Variants in THSD4 observed in about 807,000 individuals in gnomAD.
THSD4 encodes thrombospondin type-1 domain-containing protein 4.
Under a neutral mutation model 119.0 loss-of-function variants are expected in THSD4, and 69 were observed. The observed-to-expected ratio is 0.58, with a 90% CI of 0.48 to 0.71. The LOEUF is 0.71. Ranked by LOEUF, THSD4 falls within the 30% of genes least tolerant of loss-of-function variation. The pLI, the probability that THSD4 is intolerant of heterozygous loss-of-function variation, is 0.00. For synonymous variants in THSD4, 524 were observed against 540.4 expected (o/e 0.97, Z 0.42); for missense variants, 1,393 against 1,391.1 (o/e 1.00, Z -0.02).
At chr15:71,497,720 T>C (rs939072797) in intron 7 of THSD4, among the ~76,000 whole-genome samples, 3 of 152,206 alleles carry the variant, frequency 2.0e-5, no homozygotes, top group Non-Finnish European at 2.9e-5. Flanking sequence ...CCGTGTTGTA[T>C]AGGTCCCCAG....
chr15:71,751,501 T>G (rs1362680552), intron 14 of THSD4, among the ~76,000 whole-genome samples: 1 of 152,162 alleles, frequency 6.6e-6, no homozygotes, highest in East Asian at 1.9e-4. Context: ...TAAATGTATC[T>G]TTATATCATA....
intron 7 of THSD4, among the ~76,000 whole-genome samples, chr15:71,614,181 A>C (rs865943682): frequency 4.6e-5 from 7 of 152,328 alleles, no homozygotes; most frequent in Middle Eastern, 3.4e-3. Flanking sequence ...AGTAGAAGTA[A>C]GTACAGAGAA....
intron 2 of THSD4, among the ~76,000 whole-genome samples, chr15:71,153,286 C>T (rs1466893487): frequency 6.6e-6 from 1 of 152,194 alleles, no homozygotes; most frequent in African/African-American, 2.4e-5. Context: ...ACCTAGCAAA[C>T]TCCATCCTCC....
At chr15:71,700,816 A>C (rs2052272025) in intron 8 of THSD4, among the ~76,000 whole-genome samples, 1 of 152,132 alleles carries the variant, frequency 6.6e-6, no homozygotes, top group Non-Finnish European at 1.5e-5. Context: ...AATAATCAGC[A>C]TTAGGATAAT....
At position 71,262,643 on chromosome 15, in the gene THSD4, G is replaced by C. The variant is rs547716684; in HGVS notation, c.1015+5928G>C. ...AGTGCACTGTGTGTCCCTGAGAGCT[G>C]AACTAAAGAGTGGCAACTGAAAAGC... On this transcript the variant is annotated intron_variant, in intron 6 of 17. Coordinates refer to ENST00000261862, the MANE Select transcript of THSD4 (RefSeq NM_024817.3). Among the ~76,000 whole-genome samples, 4 of 3,088 alleles carry C rather than the reference G, an allele frequency of 1.3e-3. No homozygotes were observed. In the South Asian group the frequency reaches 0.25, roughly 193 times the overall value. The allele number at this position is 3,088 out of a possible 152,430, so 2.0% of individuals were successfully genotyped here.
At chr15:71,446,455 C>A (rs939735805) in intron 7 of THSD4, among the ~76,000 whole-genome samples, 2 of 152,200 alleles carry the variant, frequency 1.3e-5, no homozygotes, top group Non-Finnish European at 2.9e-5. Context: ...TATCACACTA[C>A]TATCTTACCT....
At chr15:71,763,448 C>T (rs1240054420) in intron 15 of THSD4, among the ~76,000 whole-genome samples, 7 of 152,276 alleles carry the variant, frequency 4.6e-5, no homozygotes, top group East Asian at 1.9e-4. Flanking sequence ...CAGTGGCTCA[C>T]GCCTGTAATC....
At chr15:71,614,948 C>G (rs1329455949) in intron 7 of THSD4, among the ~76,000 whole-genome samples, 1 of 152,204 alleles carries the variant, frequency 6.6e-6, no homozygotes, top group East Asian at 1.9e-4. Context: ...AGCATGCTTC[C>G]CTCCACGAGT....
chr15:71,459,107 C>A (rs1023538407), intron 7 of THSD4, among the ~76,000 whole-genome samples: 1 of 151,686 alleles, frequency 6.6e-6, no homozygotes, highest in East Asian at 1.9e-4. Flanking sequence ...TTCCTAACTT[C>A]ACCCTTTGAA....
In THSD4 at chr15:71,262,806, G is replaced by T. The variant is rs374107652; in HGVS notation, c.1015+6091G>T. 1.5e-3 allele frequency among the ~76,000 whole-genome samples: 225 copies of T among 152,276 alleles called. 10 individuals carry two copies. The South Asian group carries it at 0.045, about 30-fold the overall frequency. On this transcript the variant is annotated intron_variant, in intron 6 of 17. Coordinates refer to ENST00000261862, the MANE Select transcript of THSD4 (RefSeq NM_024817.3). Reference sequence around the variant, plus strand: ...AAATGACTTAACATGACAAAAGCTTGCCTGCTGTTCACCTTCCACGTGTAA... The same window carrying T: ...AAATGACTTAACATGACAAAAGCTTTCCTGCTGTTCACCTTCCACGTGTAA...
chr15:71,290,854 G>C (rs1484518951), intron 6 of THSD4, among the ~76,000 whole-genome samples: 1 of 147,756 alleles, frequency 6.8e-6, no homozygotes, highest in Admixed American at 6.9e-5. Flanking sequence ...TTGATGTCTG[G>C]AAACCTGGTT....
chr15:71,265,199 C>T (rs889736684), intron 6 of THSD4, among the ~76,000 whole-genome samples: 3 of 152,018 alleles, frequency 2.0e-5, no homozygotes, highest in South Asian at 2.1e-4. Flanking sequence ...GTCTGCAGCT[C>T]CCAGCAAGAT....
chr15:71,317,877 C>T (rs2045211554), intron 6 of THSD4, among the ~76,000 whole-genome samples: 1 of 152,216 alleles, frequency 6.6e-6, no homozygotes, highest in South Asian at 2.1e-4. Context: ...ATTCTCATGG[C>T]ATTAAATGAG....
At chr15:71,131,883 C>T (rs979672613) in intron 1 of THSD4, among the ~76,000 whole-genome samples, 2 of 152,314 alleles carry the variant, frequency 1.3e-5, no homozygotes, top group South Asian at 2.1e-4. Flanking sequence ...TGGAATTCCA[C>T]CCGGACGATG....
intron 7 of THSD4, among the ~76,000 whole-genome samples, chr15:71,478,136 G>A (rs1304008471): frequency 2.0e-5 from 3 of 152,102 alleles, no homozygotes; most frequent in Middle Eastern, 3.2e-3. Context: ...GGTCGGCTGC[G>A]TAGGATTAGA....
At chr15:71,246,320 C>T (rs540450171) in intron 5 of THSD4, among the ~76,000 whole-genome samples, 2 of 152,094 alleles carry the variant, frequency 1.3e-5, no homozygotes, top group South Asian at 4.2e-4. Context: ...GTAAGATCTC[C>T]CCTATCTGAA....
At chr15:71,218,187 G>A (rs2043949743) in intron 4 of THSD4, among the ~76,000 whole-genome samples, 1 of 152,176 alleles carries the variant, frequency 6.6e-6, no homozygotes, top group Admixed American at 6.5e-5. Context: ...GGCCATCGTG[G>A]CTCTAAGGAC....
In THSD4 at chr15:71,723,327, T is replaced by G. The variant is rs1226287550; in HGVS notation, c.1358-5222T>G. On this transcript the variant is annotated intron_variant, in intron 8 of 17. Transcript: ENST00000261862. ...CTGGCAATACTTGCAATATTAAATT[T>G]TTTAAAATGTTTGCTAATTTGGATG... 2.0e-5 allele frequency among the ~76,000 whole-genome samples: 3 copies of G among 152,222 alleles called. No individual in the cohort carries two copies. In the East Asian group the frequency reaches 5.8e-4, roughly 29 times the overall value.
chr15:71,204,838 G>A (rs116949013), intron 3 of THSD4, among the ~76,000 whole-genome samples: 44 of 152,222 alleles, frequency 2.9e-4, no homozygotes, highest in Middle Eastern at 6.8e-3. Flanking sequence ...TCCTTGTCTC[G>A]TATGAGAAAT....
Sources: gnomAD v4.1 joint callset for allele counts (sites outside exome capture counted in the v4.1 genomes callset) on GRCh38, gnomAD v4.1.1 for gene constraint, MANE v1.5 for transcripts, NCBI Gene and HGNC (gene_info 2026-07-23, HGNC 2026-07-21) for gene names.